PRSS12: variants seen among roughly 807,000 people sequenced by gnomAD.
PRSS12 encodes neurotrypsin.
Under a neutral mutation model 104.4 loss-of-function variants are expected in PRSS12, and 85 were observed. The ratio of observed to expected loss-of-function variants is 0.81; its 90% confidence interval spans 0.68 to 0.98. The LOEUF (loss-of-function observed/expected upper bound fraction) is 0.98, where lower values mean the gene tolerates loss of function less well. Ranked by LOEUF, PRSS12 falls within the 50% of genes least tolerant of loss-of-function variation. The pLI is 0.00. For synonymous variants in PRSS12, 454 were observed against 425.2 expected (o/e 1.07, Z -0.83); for missense variants, 1,141 against 1,139.2 (o/e 1.00, Z -0.02).
intron 10 of PRSS12, 123 bp downstream of exon 10, chr4:118,295,655 A>G (rs1743236115): frequency 6.5e-6 from 6 of 927,408 alleles, no homozygotes; most frequent in Admixed American, 2.0e-5. Context: ...GTGAAATCTG[A>G]ATTTAGTTTA....
At chr4:118,326,220 T>TAA (rs1490627162) in intron 4 of PRSS12, among the ~76,000 whole-genome samples, 1 of 152,212 alleles carries the variant, frequency 6.6e-6, no homozygotes, top group African/African-American at 2.4e-5. Flanking sequence ...ACAGAGTTTG[T>TAA]AATCCATGGA....
At chr4:118,322,634 C>T (rs2126037278) in intron 4 of PRSS12, among the ~76,000 whole-genome samples, 1 of 150,162 alleles carries the variant, frequency 6.7e-6, no homozygotes, top group East Asian at 1.9e-4. Context: ...CATGTAAAAG[C>T]TGTAATTCCC....
At chr4:118,332,021 T>C (rs1723935483) in intron 3 of PRSS12, among the ~76,000 whole-genome samples, 155 bp from the exon 4 acceptor site, 1 of 152,204 alleles carries the variant, frequency 6.6e-6, no homozygotes, top group African/African-American at 2.4e-5. Flanking sequence ...ATCTAATATA[T>C]TATGGTAATC....
chr4:118,283,203 C>G lies in PRSS12; in HGVS notation c.2040-92G>C, dbSNP rs541410580. The G allele has an allele frequency of 1.6e-5, 23 of 1,472,022 alleles. No homozygotes were observed. In the East Asian group the frequency reaches 4.7e-4, roughly 30 times the overall value. The allele number at this position is 1,472,022 out of a possible 1,614,324, so 91.2% of individuals were successfully genotyped here. A position where few individuals can be genotyped will look rare whatever the true frequency, so the allele number is the denominator to read the frequency against. On this transcript the variant is annotated intron_variant, in intron 11 of 12. Transcript: ENST00000296498. ...ACTAATGAAGATACAAGCCTTTCTT[C>G]CAAATCATCAGCCCCTTTTGTAAAT...
At chr4:118,316,854 A>ATATATATG (rs1375147278) in intron 5 of PRSS12, among the ~76,000 whole-genome samples, 2 of 146,498 alleles carry the variant, frequency 1.4e-5, no homozygotes, top group African/African-American at 4.9e-5. Context: ...ATATATATAT[A>ATATATATG]TATCTTTCCT....
intron 1 of PRSS12, among the ~76,000 whole-genome samples, chr4:118,342,638 C>T (rs1158816669): frequency 1.3e-5 from 2 of 152,056 alleles, no homozygotes; most frequent in African/African-American, 2.4e-5. Context: ...GGAATTGTAC[C>T]ACTATGCGTG....
chr4:118,345,017 A>T (rs1400692640), intron 1 of PRSS12, among the ~76,000 whole-genome samples: 1 of 152,194 alleles, frequency 6.6e-6, no homozygotes, highest in Admixed American at 6.5e-5. Context: ...CAGGGAAGGT[A>T]ATGAAAATGC....
chr4:118,316,008 T>A (rs191202419), intron 6 of PRSS12, among the ~76,000 whole-genome samples, 174 bp downstream of exon 6: 2 of 152,020 alleles, frequency 1.3e-5, no homozygotes, highest in Admixed American at 1.3e-4. Context: ...CAGCAAGAGG[T>A]GGTTATTCAT....
At position 118,335,470 on chromosome 4, in the gene PRSS12, T is replaced by C. The variant is rs1418945268; in HGVS notation, c.820+3A>G. On this transcript the variant is annotated splice_donor_region_variant and intron_variant, in intron 3 of 12. Coordinates refer to ENST00000296498, the MANE Select transcript of PRSS12 (RefSeq NM_003619.4). ...AACAACAGAACTTTTTTCTTTTTTT[T>C]ACCATGGGAAAAGCTACACGTGACA... 1 of 1,613,880 alleles carries C rather than the reference T, an allele frequency of 6.2e-7. No individual in the cohort carries two copies. The highest frequency in any genetic ancestry group is 1.7e-5 in the Admixed American group (1 of 59,976).
intron 4 of PRSS12, 140 bp downstream of exon 4, chr4:118,331,576 C>T: frequency 8.7e-7 from 1 of 1,149,082 alleles, no homozygotes. Flanking sequence ...AGGAAGCCTA[C>T]AGCCCTACTA....
chr4:118,352,737 G>A lies in PRSS12; in HGVS notation c.-17C>T, dbSNP rs770252205. ...GAGCGTCATGGTGCCAGCGCTGCGG[G>A]GTCTGGTCCATGCTCCCCAGCTTCT... is the stretch of plus-strand genomic sequence containing the variant. On this transcript the variant is annotated 5_prime_UTR_variant, in exon 1 of 13. Transcript: ENST00000296498. 5.0e-6 allele frequency: 8 copies of A among 1,612,112 alleles called. No homozygotes were observed. The highest frequency in any genetic ancestry group is 3.3e-5 in the South Asian group (3 of 90,766).
At chr4:118,339,232 A>C (rs919069749) in intron 1 of PRSS12, among the ~76,000 whole-genome samples, 2 of 152,184 alleles carry the variant, frequency 1.3e-5, no homozygotes, top group Non-Finnish European at 2.9e-5. Context: ...AATTAACCTC[A>C]GACAACTTAA....
At chr4:118,290,977 T>C (rs1207604760) in intron 11 of PRSS12, among the ~76,000 whole-genome samples, 3 of 152,074 alleles carry the variant, frequency 2.0e-5, no homozygotes, top group Non-Finnish European at 4.4e-5. Flanking sequence ...CACAGACCAA[T>C]TTGCCAGAAA....
At position 118,313,456 on chromosome 4, in the gene PRSS12, C is replaced by T. The variant is rs1480257663; in HGVS notation, c.1293-59G>A. ...TTCTGTCTCTTGGTTCAGGGAACCA[C>T]AAAACATTTAACACAAGCAACTTAG... On this transcript the variant is annotated intron_variant, in intron 6 of 12. Coordinates refer to ENST00000296498, the MANE Select transcript of PRSS12 (RefSeq NM_003619.4). 6 of 1,551,036 alleles carry T rather than the reference C, an allele frequency of 3.9e-6. No individual in the cohort carries two copies. In the African/African-American group the frequency reaches 5.4e-5, roughly 14 times the overall value.
chr4:118,284,145 G>C (rs753338813), intron 11 of PRSS12, among the ~76,000 whole-genome samples: 3 of 152,110 alleles, frequency 2.0e-5, no homozygotes, highest in Non-Finnish European at 2.9e-5. Context: ...GTAATTATCT[G>C]TTGTGAGGGC....
chr4:118,282,889 CCAGAGTGGTAAA>C lies in PRSS12; in HGVS notation c.2250_2261del (p.Cys750_Leu753del). ...ATGCTGTTTTCTGTGGCCTCTCTCT[CCAGAGTGGTAAA>C]CAGGCTGGCAAAACATGGCTGCTGA... is the stretch of plus-strand genomic sequence containing the variant. On this transcript the variant is annotated inframe_deletion, in exon 12 of 13. Transcript: ENST00000296498. The C allele has an allele frequency of 3.1e-6, 5 of 1,614,210 alleles. No individual in the cohort carries two copies. The highest frequency in any genetic ancestry group is 4.2e-6 in the Non-Finnish European group (5 of 1,180,040).
At chr4:118,288,557 T>C (rs1239372940) in intron 11 of PRSS12, among the ~76,000 whole-genome samples, 1 of 152,248 alleles carries the variant, frequency 6.6e-6, no homozygotes, top group Non-Finnish European at 1.5e-5. Context: ...CAGGTAAAGT[T>C]ATATTCTTGA....
At chr4:118,338,453 G>C (rs758943207) in intron 1 of PRSS12, 139 bp from the exon 2 acceptor site, 399 of 1,093,340 alleles carry the variant, frequency 3.6e-4, no homozygotes, top group Non-Finnish European at 4.4e-4. Flanking sequence ...ACTGTGTGTG[G>C]CATGTGTTTC....
Position 118,335,736 on chromosome 4 carries a change from G to A in PRSS12, c.642-85C>T, listed in dbSNP as rs577240550. On this transcript the variant is annotated intron_variant, in intron 2 of 12. Coordinates refer to ENST00000296498, the MANE Select transcript of PRSS12 (RefSeq NM_003619.4). The stretch of plus-strand genomic sequence containing the variant: ...CATTTGGATTTGAAAAAAAATGGAA[G>A]AAATCAACAAAGATGAATATGGAAG... 2.5e-3 allele frequency: 3,121 copies of A among 1,246,906 alleles called. 33 individuals are homozygous for A. Among genetic ancestry groups the A allele is most frequent in the Middle Eastern group, 0.02 (106 of 5,278 alleles). 77.2% of individuals were successfully genotyped at this position (1,246,906 alleles called of 1,614,324 possible). A position where few individuals can be genotyped will look rare whatever the true frequency, so the allele number is the denominator to read the frequency against.
Sources: gnomAD v4.1 joint callset for allele counts (sites outside exome capture counted in the v4.1 genomes callset) on GRCh38, gnomAD v4.1.1 for gene constraint, MANE v1.5 for transcripts, NCBI Gene and HGNC (gene_info 2026-07-23, HGNC 2026-07-21) for gene names.